PJA2: variants seen among roughly 807,000 people sequenced by gnomAD.
PJA2 encodes the protein E3 ubiquitin-protein ligase Praja-2.
In PJA2, 25 loss-of-function variants were observed where a neutral mutation model predicts 69.3. That is an observed-to-expected ratio of 0.36 (90% CI 0.26 to 0.50). The LOEUF is 0.50. Ranked by LOEUF, PJA2 falls within the 20% of genes least tolerant of loss-of-function variation. The probability of loss-of-function intolerance (pLI) is 0.96; values close to 1 mark genes in which losing one functional copy is unlikely to be tolerated. For synonymous variants in PJA2, 308 were observed against 277.8 expected (o/e 1.11, Z -1.08); for missense variants, 809 against 830.2 (o/e 0.97, Z 0.31).
At chr5:109,342,706 G>T (rs1762097774) in intron 9 of PJA2, among the ~76,000 whole-genome samples, 1 of 122,924 alleles carries the variant, frequency 8.1e-6, no homozygotes, top group African/African-American at 3.4e-5. Context: ...GAGGTGGGGG[G>T]AGTCAGCCCC....
intron 1 of PJA2, among the ~76,000 whole-genome samples, chr5:109,403,305 G>A (rs1434324374): frequency 1.3e-5 from 2 of 151,980 alleles, no homozygotes; most frequent in Non-Finnish European, 2.9e-5. Flanking sequence ...TTCATACAAA[G>A]ACCGAAAGCT....
chr5:109,342,367 G>A (rs1171363068), intron 9 of PJA2, among the ~76,000 whole-genome samples: 2 of 122,236 alleles, frequency 1.6e-5, no homozygotes, highest in African/African-American at 6.5e-5. Flanking sequence ...CCCCGTCCGG[G>A]AGGGAGGTGG....
At chr5:109,392,559 T>TC (rs972322690) in intron 1 of PJA2, among the ~76,000 whole-genome samples, 3 of 33,650 alleles carry the variant, frequency 8.9e-5, no homozygotes, top group African/African-American at 5.3e-4. Context: ...AGACTCCATC[T>TC]CAAAAAAAAA....
chr5:109,351,133 C>G (rs1193615525), intron 7 of PJA2, among the ~76,000 whole-genome samples: 1 of 129,172 alleles, frequency 7.7e-6, no homozygotes, highest in Non-Finnish European at 1.8e-5. Flanking sequence ...AAAAAAAAAA[C>G]GGAAGGAATC....
chr5:109,359,398 A>C (rs1762475154), intron 6 of PJA2, among the ~76,000 whole-genome samples: 2 of 152,318 alleles, frequency 1.3e-5, no homozygotes, highest in East Asian at 3.9e-4. Flanking sequence ...TTCAAGAGTC[A>C]GCTGTATTAA....
At chr5:109,370,017 A>AGTGAAACT (rs1293471854) in intron 4 of PJA2, among the ~76,000 whole-genome samples, 1 of 135,602 alleles carries the variant, frequency 7.4e-6, no homozygotes, top group African/African-American at 2.8e-5. Context: ...GGGCAACAGG[A>AGTGAAACT]GTGAAACTCC....
chr5:109,402,448 T>C (rs904148517), intron 1 of PJA2, among the ~76,000 whole-genome samples: 14 of 152,160 alleles, frequency 9.2e-5, no homozygotes, highest in Admixed American at 5.2e-4. Flanking sequence ...AAGAGGGCAT[T>C]ATATAATGAT....
At position 109,366,999 on chromosome 5, in the gene PJA2, G is replaced by A. The variant is rs1439146573; in HGVS notation, c.1469+1562C>T. ...ATACAAAAATTAGCCAGGCATGGTG[G>A]TGGGTACCTGTACTCCCCGCTACTC... On this transcript the variant is annotated intron_variant, in intron 5 of 9. Coordinates refer to ENST00000361189, the MANE Select transcript of PJA2 (RefSeq NM_014819.5). Among the ~76,000 whole-genome samples the A allele has an allele frequency of 2.0e-5, 3 of 151,898 alleles. No homozygotes were observed. In the South Asian group the frequency reaches 6.2e-4, roughly 32 times the overall value.
At chr5:109,376,614 G>A (rs896872402) in intron 4 of PJA2, among the ~76,000 whole-genome samples, 1 of 151,696 alleles carries the variant, frequency 6.6e-6, no homozygotes, top group Non-Finnish European at 1.5e-5. Flanking sequence ...TCTCCTTAAA[G>A]AAGAAAAAGT....
chr5:109,400,492 G>A lies in PJA2; in HGVS notation c.-88+9350C>T, dbSNP rs1418222756. On this transcript the variant is annotated intron_variant, in intron 1 of 9. Transcript: ENST00000361189. ...AGAGCAAACCAGCAGGGGGAGGGGGGGGAAGGGCGGGGGGGTGTCGCGGGC... is the reference window on the plus strand; with the variant it reads ...AGAGCAAACCAGCAGGGGGAGGGGGAGGAAGGGCGGGGGGGTGTCGCGGGC... Among the ~76,000 whole-genome samples the A allele has an allele frequency of 6.4e-5, 9 of 140,374 alleles. No homozygotes were observed. In the South Asian group the frequency reaches 1.8e-3, roughly 28 times the overall value. 92.1% of individuals were successfully genotyped at this position (140,374 alleles called of 152,430 possible). A position where few individuals can be genotyped will look rare whatever the true frequency, so the allele number is the denominator to read the frequency against.
chr5:109,406,635 G>A (rs1374028472), intron 1 of PJA2, among the ~76,000 whole-genome samples: 1 of 152,078 alleles, frequency 6.6e-6, no homozygotes, highest in Non-Finnish European at 1.5e-5. Context: ...AAACATCCAT[G>A]TATCATACAA....
chr5:109,402,438 A>G (rs1315156072), intron 1 of PJA2, among the ~76,000 whole-genome samples: 1 of 152,198 alleles, frequency 6.6e-6, no homozygotes, highest in African/African-American at 2.4e-5. Context: ...ATCAGAGATA[A>G]AGAGGGCATT....
intron 4 of PJA2, among the ~76,000 whole-genome samples, chr5:109,371,119 C>A (rs913613824): frequency 1.3e-5 from 2 of 152,032 alleles, no homozygotes; most frequent in Non-Finnish European, 2.9e-5. Context: ...TCTTAGTCAC[C>A]AAAGCCTAAA....
intron 3 of PJA2, among the ~76,000 whole-genome samples, chr5:109,381,185 C>A (rs1171552815): frequency 1.3e-5 from 2 of 151,602 alleles, no homozygotes; most frequent in Admixed American, 1.3e-4. Flanking sequence ...TCTACTTGAT[C>A]CACATTTTTA....
chr5:109,350,942 C>T (rs1762240468), intron 7 of PJA2, among the ~76,000 whole-genome samples: 2 of 152,120 alleles, frequency 1.3e-5, no homozygotes, highest in South Asian at 2.1e-4. Flanking sequence ...AATGCACCTG[C>T]AGTATATCAT....
chr5:109,338,863 A>G lies in PJA2; in HGVS notation c.2002-1507T>C, dbSNP rs186086967. 4.6e-5 allele frequency among the ~76,000 whole-genome samples: 7 copies of G among 152,290 alleles called. No individual in the cohort carries two copies. In the East Asian group the frequency reaches 1.4e-3, roughly 29 times the overall value. On this transcript the variant is annotated intron_variant, in intron 9 of 9. Transcript: ENST00000361189. ...TGTGAGGATTAAAGGAGAAATCATG[A>G]ATCATTAAAGAGGAATCATCTAACA...
At chr5:109,406,836 C>T (rs933376940) in intron 1 of PJA2, among the ~76,000 whole-genome samples, 1 of 152,132 alleles carries the variant, frequency 6.6e-6, no homozygotes, top group Non-Finnish European at 1.5e-5. Flanking sequence ...TAAATCAATA[C>T]CAAGGACTTC....
rs368491690 is a variant in PJA2, at chr5:109,378,406, A to C, written c.1081T>G (p.Leu361Val). The C allele has an allele frequency of 6.2e-6, 10 of 1,614,032 alleles. No homozygotes were observed. The highest frequency in any genetic ancestry group is 4.0e-5 in the African/African-American group (3 of 74,932). ...CCATCATATTCTTCACATTTTATTAAGAGGTCATCTGAGCCACTTTCCTCA... is the reference window on the plus strand; with the variant it reads ...CCATCATATTCTTCACATTTTATTACGAGGTCATCTGAGCCACTTTCCTCA... ...EVEESGSDDL[L>V]IKCEEYDGEH... Residue 361 changes from leucine (L) to valine (V), a missense_variant, in exon 4 of 10, where the codon TTA (leucine) becomes GTA (valine). Physicochemically the swap from Leu to Val is conservative, Grantham distance 32. Around this residue, in one of 4 missense-constraint regions of PJA2, gnomAD observed 700 missense variants for 639.5 expected, o/e 1.09. Transcript: ENST00000361189.
intron 5 of PJA2, among the ~76,000 whole-genome samples, chr5:109,365,410 T>C (rs1487491221): frequency 6.6e-6 from 1 of 152,142 alleles, no homozygotes; most frequent in African/African-American, 2.4e-5. Flanking sequence ...GGTGTACACA[T>C]ATGTCTACAC....
Sources: gnomAD v4.1 joint callset for allele counts (sites outside exome capture counted in the v4.1 genomes callset) on GRCh38, gnomAD v4.1.1 for gene constraint, gnomAD v4.1.1 regional missense constraint, MANE v1.5 for transcripts, NCBI Gene and HGNC (gene_info 2026-07-23, HGNC 2026-07-21) for gene names.